MACROD2: variants seen among roughly 807,000 people sequenced by gnomAD.
MACROD2 encodes the protein mono-ADP ribosylhydrolase 2.
Under a neutral mutation model 70.4 loss-of-function variants are expected in MACROD2, and 36 were observed. The observed-to-expected ratio is 0.51, with a 90% CI of 0.39 to 0.68. The LOEUF (loss-of-function observed/expected upper bound fraction) is 0.68, where lower values mean the gene tolerates loss of function less well. MACROD2 is among the 30% of genes least tolerant of loss of function. The pLI is 0.00. For missense variants in MACROD2, 496 were observed against 538.4 expected (o/e 0.92, Z 0.78); for synonymous variants, 172 against 178.8 (o/e 0.96, Z 0.30).
intron 8 of MACROD2, among the ~76,000 whole-genome samples, chr20:15,841,247 A>G (rs577007347): frequency 9.2e-5 from 14 of 152,318 alleles, no homozygotes; most frequent in African/African-American, 2.6e-4. Context: ...AGGAAATACA[A>G]GCGTATTTTA....
intron 8 of MACROD2, among the ~76,000 whole-genome samples, chr20:15,720,731 C>A (rs1268396968): frequency 1.3e-5 from 2 of 152,162 alleles, no homozygotes; most frequent in African/African-American, 4.8e-5. Context: ...TTTATGATAC[C>A]TCTTTGTTCA....
chr20:15,085,249 T>A (rs1458674998), intron 5 of MACROD2, among the ~76,000 whole-genome samples: 1 of 151,958 alleles, frequency 6.6e-6, no homozygotes, highest in African/African-American at 2.4e-5. Flanking sequence ...ACAAAATGAA[T>A]TCAAGACCTA....
chr20:14,022,497 A>G (rs2053100174), intron 2 of MACROD2, among the ~76,000 whole-genome samples: 1 of 147,600 alleles, frequency 6.8e-6, no homozygotes, highest in Non-Finnish European at 1.5e-5. Flanking sequence ...CAGAACATGC[A>G]GTTTTGTTAC....
At chr20:16,036,601 A>T (rs1228953079) in intron 15 of MACROD2, among the ~76,000 whole-genome samples, 1 of 151,934 alleles carries the variant, frequency 6.6e-6, no homozygotes, top group Admixed American at 6.6e-5. Context: ...GGACAGGCAA[A>T]CTGTAATAAA....
intron 7 of MACROD2, among the ~76,000 whole-genome samples, chr20:15,472,192 C>G (rs2046971213): frequency 6.6e-6 from 1 of 152,178 alleles, no homozygotes; most frequent in Non-Finnish European, 1.5e-5. Context: ...TTTTCTGTAG[C>G]TTTGAGTGCT....
At chr20:14,296,618 G>C (rs2082429669) in intron 3 of MACROD2, among the ~76,000 whole-genome samples, 1 of 151,968 alleles carries the variant, frequency 6.6e-6, no homozygotes, top group Admixed American at 6.6e-5. Flanking sequence ...AGCTTGAAGA[G>C]ATGCAAATTT....
At chr20:15,805,948 T>C in intron 8 of MACROD2, among the ~76,000 whole-genome samples, 1 of 152,176 alleles carries the variant, frequency 6.6e-6, no homozygotes, top group East Asian at 1.9e-4. Context: ...TTGTAGCCTC[T>C]GCTTACAGGG....
rs143741068 is a variant in MACROD2, at chr20:15,476,281, G to C, written c.572-23493G>C. On this transcript the variant is annotated intron_variant, in intron 7 of 17. Coordinates refer to ENST00000684519, the MANE Select transcript of MACROD2 (RefSeq NM_001351661.2). ...TTTGTATTTTATATTTATCAAAAGA[G>C]CACTTTTAGATTCACTTTAGACACA... Among the ~76,000 whole-genome samples the C allele has an allele frequency of 6.1e-3, 936 of 152,260 alleles. 9 individuals are homozygous for C. The highest frequency in any genetic ancestry group is 0.021 in the African/African-American group (893 of 41,540).
intron 8 of MACROD2, among the ~76,000 whole-genome samples, chr20:15,858,318 A>G (rs2064381218): frequency 6.6e-6 from 1 of 152,206 alleles, no homozygotes; most frequent in Non-Finnish European, 1.5e-5. Flanking sequence ...CTGGGCCTCA[A>G]TAGCGAGGCA....
At chr20:14,081,546 G>A (rs528208145) in intron 2 of MACROD2, among the ~76,000 whole-genome samples, 1 of 152,226 alleles carries the variant, frequency 6.6e-6, no homozygotes, top group Admixed American at 6.5e-5. Context: ...TTGGTGCTTT[G>A]TGTACATAGA....
intron 2 of MACROD2, among the ~76,000 whole-genome samples, chr20:14,046,898 T>C (rs2053485342): frequency 6.6e-6 from 1 of 152,064 alleles, no homozygotes; most frequent in South Asian, 2.1e-4. Context: ...GTGAAAAACT[T>C]GAAGTCATCT....
At chr20:14,912,356 T>A (rs2069391447) in intron 5 of MACROD2, among the ~76,000 whole-genome samples, 3 of 152,190 alleles carry the variant, frequency 2.0e-5, no homozygotes, top group Admixed American at 1.3e-4. Flanking sequence ...ATTCATTATA[T>A]CTAAATATTC....
chr20:15,461,717 C>T (rs2046821520), intron 7 of MACROD2, among the ~76,000 whole-genome samples: 1 of 152,200 alleles, frequency 6.6e-6, no homozygotes, highest in Non-Finnish European at 1.5e-5. Context: ...AGCACTTCCA[C>T]TCACTTGGTC....
chr20:14,762,750 C>G (rs139945815), intron 5 of MACROD2, among the ~76,000 whole-genome samples: 1 of 151,892 alleles, frequency 6.6e-6, no homozygotes, highest in Non-Finnish European at 1.5e-5. Flanking sequence ...TGCAACATGA[C>G]GAAACTCTGT....
At chr20:14,942,711 G>A (rs748049060) in intron 5 of MACROD2, among the ~76,000 whole-genome samples, 2 of 152,186 alleles carry the variant, frequency 1.3e-5, no homozygotes, top group Non-Finnish European at 2.9e-5. Flanking sequence ...AAGGCTTATG[G>A]TATGCTCAGG....
At chr20:14,570,113 A>G (rs1156547618) in intron 4 of MACROD2, among the ~76,000 whole-genome samples, 2 of 152,100 alleles carry the variant, frequency 1.3e-5, no homozygotes, top group Non-Finnish European at 2.9e-5. Context: ...AGTGGAAACA[A>G]CAGTACAATA....
chr20:15,687,842 C>A (rs1568975306), intron 8 of MACROD2, among the ~76,000 whole-genome samples: 2 of 152,178 alleles, frequency 1.3e-5, no homozygotes, highest in African/African-American at 4.8e-5. Context: ...AACTCCTGAG[C>A]TCTCTTCTTC....
At chr20:15,213,877 C>T (rs1041061179) in intron 5 of MACROD2, among the ~76,000 whole-genome samples, 1 of 151,934 alleles carries the variant, frequency 6.6e-6, no homozygotes, top group Non-Finnish European at 1.5e-5. Flanking sequence ...CAAGAGAATT[C>T]CAAGGGCAAT....
rs537970854 is a variant in MACROD2, at chr20:14,913,061, G to C, written c.418+228102G>C. The stretch of plus-strand genomic sequence containing the variant: ...GATGAAAATGAGGGTTGTGATAGCT[G>C]TGTGTGTGTGCACATGCGTGTATGT... On this transcript the variant is annotated intron_variant, in intron 5 of 17. Transcript: ENST00000684519. Among the ~76,000 whole-genome samples, 66 of 152,180 alleles carry C rather than the reference G, an allele frequency of 4.3e-4. 1 individual carries two copies. The highest frequency in any genetic ancestry group is 1.5e-3 in the African/African-American group (63 of 41,532).
Sources: gnomAD v4.1 joint callset for allele counts (sites outside exome capture counted in the v4.1 genomes callset) on GRCh38, gnomAD v4.1.1 for gene constraint, MANE v1.5 for transcripts, NCBI Gene and HGNC (gene_info 2026-07-23, HGNC 2026-07-21) for gene names.